SPEN: variants seen among roughly 807,000 people sequenced by gnomAD.
SPEN encodes spen family transcriptional repressor.
SPEN carries 18 observed loss-of-function variants against 269.9 expected under a neutral mutation model. The observed-to-expected ratio is 0.07, with a 90% confidence interval of 0.05 to 0.10. SPEN has a LOEUF of 0.10. Among genes scored for constraint, SPEN ranks in the 10% least tolerant of loss-of-function variants. The pLI is 1.00. For synonymous variants in SPEN, 1,726 were observed against 1,765.7 expected (o/e 0.98, Z 0.56); for missense variants, 3,822 against 4,631.2 (o/e 0.83, Z 5.07).
chr1:15,897,240 A>G (rs527277408), intron 3 of SPEN, among the ~76,000 whole-genome samples: 2 of 151,960 alleles, frequency 1.3e-5, no homozygotes, highest in Non-Finnish European at 2.9e-5. Context: ...CCCAGGCTGG[A>G]GTGCAGTGGT....
intron 1 of SPEN, among the ~76,000 whole-genome samples, chr1:15,871,768 TC>T (rs1569986795): frequency 6.6e-6 from 1 of 152,218 alleles, no homozygotes; most frequent in East Asian, 1.9e-4. Context: ...TTTGAGTACT[TC>T]AGTTTTCCAG....
intron 3 of SPEN, among the ~76,000 whole-genome samples, chr1:15,887,586 T>C (rs2070749010): frequency 6.6e-6 from 1 of 151,388 alleles, no homozygotes; most frequent in Non-Finnish European, 1.5e-5. Flanking sequence ...TGAGCCACTG[T>C]GCCTGGCCGA....
chr1:15,933,210 A>C lies in SPEN; in HGVS notation c.6970A>C (p.Thr2324Pro), dbSNP rs1486036414. The C allele has an allele frequency of 1.2e-6, 2 of 1,614,024 alleles. No homozygotes were observed. The highest frequency in any genetic ancestry group is 2.2e-5 in the South Asian group (2 of 91,074). The change falls in exon 11 of 15, where the codon ACT becomes CCT. Residue 2324 changes from threonine (T) to proline (P), a missense_variant. Around this residue, in one of 16 missense-constraint regions of SPEN, gnomAD observed 727 missense variants for 737.9 expected, o/e 0.99. Transcript: ENST00000375759. This position sits in a 1 kb window ranked among gnomAD's most constrained non-coding sequence, Gnocchi z 5.7. ...EAKGSKEVEV[T>P]LVRKDKGRQK... Reference sequence around the variant, plus strand: ...CAAAGGGTCTAAAGAAGTGGAAGTCACTCTTGTTCGGAAAGACAAAGGGCG... The same window carrying C: ...CAAAGGGTCTAAAGAAGTGGAAGTCCCTCTTGTTCGGAAAGACAAAGGGCG...
Position 15,938,732 on chromosome 1 carries a change from C to T in SPEN, c.10719C>T (p.Tyr3573=). ...CTCTGCCTCAGGTGGAGACAGATTACTGTCTGCTGCTGGCTCTGCCCTGTG... is the reference window on the plus strand; with the variant it reads ...CTCTGCCTCAGGTGGAGACAGATTATTGTCTGCTGCTGGCTCTGCCCTGTG... ...VARRMTVETD[Y]CLLLALPCGR... is the part of the protein sequence containing the mutation. Residue 3573 remains tyrosine (Y), a synonymous_variant, in exon 14 of 15, where the codon TAC becomes TAT. Transcript: ENST00000375759. 1 of 1,613,702 alleles carries T rather than the reference C, an allele frequency of 6.2e-7. No homozygotes were observed. Among genetic ancestry groups the T allele is most frequent in the Non-Finnish European group, 8.5e-7 (1 of 1,179,914 alleles).
chr1:15,907,621 T>C (rs906010909), intron 3 of SPEN, among the ~76,000 whole-genome samples: 2 of 152,188 alleles, frequency 1.3e-5, no homozygotes, highest in Non-Finnish European at 2.9e-5. Flanking sequence ...CTGTAGCTAG[T>C]GTGCTTAAGA....
Position 15,935,050 on chromosome 1 carries a change from A to G in SPEN, c.8810A>G (p.Asn2937Ser). 6.2e-7 allele frequency: 1 copy of G among 1,613,974 alleles called. No homozygotes were observed. The highest frequency in any genetic ancestry group is 8.5e-7 in the Non-Finnish European group (1 of 1,179,964). Reference sequence around the variant, plus strand: ...GTGAAGGTTCTCACCCAGGGGATCAACACACCCCCTGTGCTGGTTCACAAC... The same window carrying G: ...GTGAAGGTTCTCACCCAGGGGATCAGCACACCCCCTGTGCTGGTTCACAAC... ...GTVKVLTQGINTPPVLVHNQL... is the reference protein window; with the variant it reads ...GTVKVLTQGISTPPVLVHNQL... The change falls in exon 11 of 15, where the codon AAC becomes AGC. Residue 2937 changes from asparagine to serine, a missense_variant. Physicochemically the swap from Asn to Ser is conservative, Grantham distance 46. Coordinates refer to ENST00000375759, the MANE Select transcript of SPEN (RefSeq NM_015001.3). The surrounding 1 kb of genome is among the most constrained non-coding windows in gnomAD (Gnocchi z 7.7).
intron 1 of SPEN, among the ~76,000 whole-genome samples, chr1:15,861,134 C>CTTTTTTTTTTTTTT: frequency 7.3e-6 from 1 of 136,128 alleles, no homozygotes; most frequent in Non-Finnish European, 1.6e-5. Flanking sequence ...GGCTGAGTGA[C>CTTTTTTTTTTTTTT]TTTTTTTTTT....
intron 3 of SPEN, among the ~76,000 whole-genome samples, chr1:15,888,693 C>T (rs1362004423): frequency 6.7e-5 from 10 of 149,242 alleles, no homozygotes; most frequent in Non-Finnish European, 1.5e-4. Flanking sequence ...AGTACAATGG[C>T]GCGATCTCGG....
rs1035536638 is a variant in SPEN at position 15,873,597 on chromosome 1, T to G, written c.404+461T>G. Reference sequence around the variant, plus strand: ...TCACTACATAAAGTGTACAAACAAATTGGATTGTAACAAAAAATCTGGCAG... The same window carrying G: ...TCACTACATAAAGTGTACAAACAAAGTGGATTGTAACAAAAAATCTGGCAG... On this transcript the variant is annotated intron_variant, in intron 2 of 14. Coordinates refer to ENST00000375759, the MANE Select transcript of SPEN (RefSeq NM_015001.3). 2.4e-5 allele frequency: 24 copies of G among 994,646 alleles called. No homozygotes were observed. The Admixed American group carries it at 9.3e-4, about 38-fold the overall frequency. The allele number at this position is 994,646 out of a possible 1,614,324, so 61.6% of individuals were successfully genotyped here.
rs1209381425 is a variant in SPEN, at chr1:15,847,919, G to C, written c.-149G>C. 2 of 336,326 alleles carry C rather than the reference G, an allele frequency of 5.9e-6. No homozygotes were observed. Among genetic ancestry groups the C allele is most frequent in the Non-Finnish European group, 1.1e-5 (2 of 186,060 alleles). 20.8% of individuals were successfully genotyped at this position (336,326 alleles called of 1,614,324 possible). On this transcript the variant is annotated 5_prime_UTR_variant, in exon 1 of 15. Coordinates refer to ENST00000375759, the MANE Select transcript of SPEN (RefSeq NM_015001.3). ...GGGGAGAGGGATGGTCTCTGCACGG[G>C]GGGGAGCCGGAGGAGCCGCCGCCGC...
chr1:15,898,854 C>T (rs1475391824), intron 3 of SPEN, among the ~76,000 whole-genome samples: 5 of 152,160 alleles, frequency 3.3e-5, no homozygotes, highest in Non-Finnish European at 7.4e-5. Flanking sequence ...TGAGCCACTG[C>T]ACCCAGCCAA....
intron 3 of SPEN, among the ~76,000 whole-genome samples, chr1:15,893,315 A>T (rs549113395): frequency 6.6e-6 from 1 of 152,092 alleles, no homozygotes; most frequent in East Asian, 1.9e-4. Flanking sequence ...GTGATTCTTT[A>T]TATGTTATTT....
intron 2 of SPEN, chr1:15,874,146 A>C: frequency 7.3e-7 from 1 of 1,365,408 alleles, no homozygotes; most frequent in Non-Finnish European, 9.8e-7. Flanking sequence ...ATTGTCTGCT[A>C]TCTCAAGAAA....
rs2071258113 is a variant in SPEN, at chr1:15,934,772, C to G, written c.8532C>G (p.Asp2844Glu). ...ISQIPPASAMDIEFQQSVSKS... is the reference protein window; with the variant it reads ...ISQIPPASAMEIEFQQSVSKS... ...AGATCCCCCCGGCCAGTGCAATGGA[C>G]ATTGAATTTCAGCAGTCAGTGTCCA... Residue 2844 changes from aspartate to glutamate, a missense_variant, in exon 11 of 15, where the codon GAC becomes GAG. Around this residue, in one of 16 missense-constraint regions of SPEN, gnomAD observed 329 missense variants for 431.2 expected, o/e 0.76. Coordinates refer to ENST00000375759, the MANE Select transcript of SPEN (RefSeq NM_015001.3). The surrounding 1 kb of genome is among the most constrained non-coding windows in gnomAD (Gnocchi z 9.2). 6.2e-7 allele frequency: 1 copy of G among 1,614,168 alleles called. No individual in the cohort carries two copies. The highest frequency in any genetic ancestry group is 1.7e-5 in the Admixed American group (1 of 60,028).
rs182986069 is a variant in SPEN at position 15,885,344 on chromosome 1, A to G, written c.881+8666A>G. 2.0e-5 allele frequency among the ~76,000 whole-genome samples: 3 copies of G among 152,278 alleles called. No individual in the cohort carries two copies. The East Asian group carries it at 5.8e-4, about 29-fold the overall frequency. On this transcript the variant is annotated intron_variant, in intron 3 of 14. Coordinates refer to ENST00000375759, the MANE Select transcript of SPEN (RefSeq NM_015001.3). ...TCGTCTAGAGGTTTCAAAAGGGAGA[A>G]TTTCTTGCTGAAAATTAGTGTTATG... is the stretch of plus-strand genomic sequence containing the variant.
In SPEN at chr1:15,919,456, C is replaced by T; in HGVS notation, c.1574C>T (p.Ser525Phe). 6.2e-7 allele frequency: 1 copy of T among 1,608,886 alleles called. No individual in the cohort carries two copies. The highest frequency in any genetic ancestry group is 8.5e-7 in the Non-Finnish European group (1 of 1,179,394). ...PTNCVWLDGLSSNVSDQYLTR... is the reference protein window; with the variant it reads ...PTNCVWLDGLFSNVSDQYLTR... ...AACTGCGTGTGGCTAGATGGGCTTT[C>T]TTCGAATGTGTCAGATCAGTATTTA... Residue 525 changes from serine (S) to phenylalanine (F), a missense_variant, in exon 8 of 15, where the codon TCT becomes TTT. Physicochemically the swap from Ser to Phe is radical, Grantham distance 155. Transcript: ENST00000375759.
Position 15,931,590 on chromosome 1 carries a change from GAGCCTGATGCAA to G in SPEN, c.5352_5363del (p.Glu1784_Asn1788delinsAsp). The G allele has an allele frequency of 6.2e-7, 1 of 1,614,158 alleles. No homozygotes were observed. The highest frequency in any genetic ancestry group is 8.5e-7 in the Non-Finnish European group (1 of 1,180,024). ...AAAGCCAGACGCCACTGCAGATGCTGAGCCTGATGCAAACCAGAAAGCCGAAGCTGCTCCTGA... is the reference window on the plus strand; with the variant it reads ...AAAGCCAGACGCCACTGCAGATGCTGACCAGAAAGCCGAAGCTGCTCCTGA... On this transcript the variant is annotated inframe_deletion, in exon 11 of 15. Transcript: ENST00000375759. The surrounding 1 kb of genome is among the most constrained non-coding windows in gnomAD (Gnocchi z 4.8).
rs767526862 is a variant in SPEN, at chr1:15,928,554, C to T, written c.2314C>T (p.Pro772Ser). 1.2e-6 allele frequency: 2 copies of T among 1,614,020 alleles called. No homozygotes were observed. The highest frequency in any genetic ancestry group is 1.7e-6 in the Non-Finnish European group (2 of 1,180,020). ...TGGAAGCTGTAGCTCACTCTCCCCT[C>T]CAAGATATGAGAAACTGGACAAGTC... ...RSGSCSSLSP[P>S]RYEKLDKSRL... Residue 772 changes from proline (P) to serine (S), a missense_variant, in exon 11 of 15, where the codon CCA becomes TCA. Coordinates refer to ENST00000375759, the MANE Select transcript of SPEN (RefSeq NM_015001.3). The surrounding 1 kb of genome is among the most constrained non-coding windows in gnomAD (Gnocchi z 5.7).
intron 1 of SPEN, among the ~76,000 whole-genome samples, chr1:15,866,574 C>CGATCTACT (rs371767336): frequency 4.9e-4 from 74 of 152,240 alleles, no homozygotes; most frequent in African/African-American, 1.7e-3. Flanking sequence ...AGGATAGTCT[C>CGATCTACT]GATCTACTGA....
Sources: allele counts gnomAD v4.1 joint callset (sites outside exome capture counted in the v4.1 genomes callset), GRCh38; gene constraint gnomAD v4.1.1; regional missense constraint gnomAD v4.1.1; non-coding constraint Gnocchi (gnomAD v3.1); transcripts MANE v1.5; gene names NCBI Gene and HGNC (gene_info 2026-07-23, HGNC 2026-07-21).